PYGO1: variants seen among roughly 807,000 people sequenced by gnomAD.
PYGO1 encodes the protein pygopus family PHD finger 1.
Under a neutral mutation model 29.5 loss-of-function variants are expected in PYGO1, and 6 were observed. The ratio of observed to expected loss-of-function variants is 0.20; its 90% CI spans 0.11 to 0.40. The LOEUF is 0.40. Ranked by LOEUF, PYGO1 falls within the 10% of genes least tolerant of loss-of-function variation. The pLI is 1.00. For synonymous variants in PYGO1, 186 were observed against 180.5 expected, an observed-to-expected ratio of 1.03 and a Z score of -0.24; for missense variants, 515 against 514.9, an observed-to-expected ratio of 1.00 and a Z score of 0.00.
At position 55,546,124 on chromosome 15, in the gene PYGO1, A is replaced by G; in HGVS notation, c.1159T>C (p.Ser387Pro). Residue 387 changes from serine to proline, a missense_variant, in exon 3 of 3, where the codon TCT (serine) becomes CCT (proline). Transcript: ENST00000563719. ...CAGGTATCACAGCCCCATACTGCAGATGCTTCTGCAGTTAAGAGGCCATAA... is the reference window on the plus strand; with the variant it reads ...CAGGTATCACAGCCCCATACTGCAGGTGCTTCTGCAGTTAAGAGGCCATAA... ...TAYGLLTAEA[S>P]AVWGCDTCMA... 6.2e-7 allele frequency: 1 copy of G among 1,614,162 alleles called. No homozygotes were observed. The highest frequency in any genetic ancestry group is 8.5e-7 in the Non-Finnish European group (1 of 1,180,010).
chr15:55,543,759 T>C lies in PYGO1; in HGVS notation c.*2264A>G, dbSNP rs2058837666. The C allele has an allele frequency of 6.6e-6, 1 of 152,190 alleles. No individual in the cohort carries two copies. The highest frequency in any genetic ancestry group is 1.5e-5 in the Non-Finnish European group (1 of 68,034). 9.4% of individuals were successfully genotyped at this position (152,190 alleles called of 1,614,324 possible). ...ACACTGGAAAGTTCTACTCAAAATA[T>C]CTATCATCTAGCTCTATTCAGGGTA... On this transcript the variant is annotated 3_prime_UTR_variant, in exon 3 of 3. Coordinates refer to ENST00000563719, the MANE Select transcript of PYGO1 (RefSeq NM_001367806.1).
At chr15:55,553,920 C>T (rs2058891583) in intron 1 of PYGO1, among the ~76,000 whole-genome samples, 1 of 152,124 alleles carries the variant, frequency 6.6e-6, no homozygotes, top group Admixed American at 6.6e-5. Flanking sequence ...CCCCAGCAAA[C>T]TGCAGCAGCC....
At chr15:55,573,608 C>T (rs921789566) in intron 1 of PYGO1, among the ~76,000 whole-genome samples, 1 of 152,152 alleles carries the variant, frequency 6.6e-6, no homozygotes, top group African/African-American at 2.4e-5. Context: ...ACAATGGGTG[C>T]ATATAGTTGA....
Position 55,543,501 on chromosome 15 carries a change from C to T in PYGO1, c.*2522G>A, listed in dbSNP as rs1028093773. ...GTAAGGTGCTTTGAAGACCTAAACA[C>T]CTGAATAAAAATTCACCTGTTTGTA... is the stretch of plus-strand genomic sequence containing the variant. On this transcript the variant is annotated 3_prime_UTR_variant, in exon 3 of 3. Coordinates refer to ENST00000563719, the MANE Select transcript of PYGO1 (RefSeq NM_001367806.1). 6 of 152,034 alleles carry T rather than the reference C, an allele frequency of 3.9e-5. No homozygotes were observed. The highest frequency in any genetic ancestry group is 1.2e-4 in the African/African-American group (5 of 41,414). 9.4% of individuals were successfully genotyped at this position (152,034 alleles called of 1,614,324 possible). A position where few individuals can be genotyped will look rare whatever the true frequency, so the allele number is the denominator to read the frequency against.
At chr15:55,559,696 G>C in intron 1 of PYGO1, among the ~76,000 whole-genome samples, 1 of 152,202 alleles carries the variant, frequency 6.6e-6, no homozygotes, top group East Asian at 1.9e-4. Flanking sequence ...TATGAGGCTA[G>C]CATCATCCTG....
At chr15:55,583,737 C>T (rs776738818) in intron 1 of PYGO1, among the ~76,000 whole-genome samples, 22 of 152,054 alleles carry the variant, frequency 1.4e-4, no homozygotes, top group South Asian at 4.2e-4. Flanking sequence ...CAAACTCCTG[C>T]GCTGAAGTGA....
chr15:55,574,409 C>T (rs1310948603), intron 1 of PYGO1, among the ~76,000 whole-genome samples: 1 of 152,108 alleles, frequency 6.6e-6, no homozygotes, highest in Non-Finnish European at 1.5e-5. Flanking sequence ...TCTGCAAATG[C>T]TTGTGTAAGT....
intron 1 of PYGO1, among the ~76,000 whole-genome samples, chr15:55,574,789 A>C (rs1030482850): frequency 2.0e-5 from 3 of 152,200 alleles, no homozygotes; most frequent in Non-Finnish European, 4.4e-5. Context: ...CACAGGCAAT[A>C]AATGTTTGTT....
At chr15:55,558,036 T>C (rs1178873506) in intron 1 of PYGO1, among the ~76,000 whole-genome samples, 3 of 152,138 alleles carry the variant, frequency 2.0e-5, no homozygotes, top group Admixed American at 1.3e-4. Context: ...GGTATTCAAT[T>C]AGGAAAAGAG....
At chr15:55,587,016 T>C (rs2059049682) in intron 1 of PYGO1, among the ~76,000 whole-genome samples, 1 of 152,250 alleles carries the variant, frequency 6.6e-6, no homozygotes, top group South Asian at 2.1e-4. Flanking sequence ...ACATAGTAGA[T>C]GTTCAATAAA....
chr15:55,545,823 C>T lies in PYGO1; in HGVS notation c.*200G>A. 1 of 464,626 alleles carries T rather than the reference C, an allele frequency of 2.2e-6. No homozygotes were observed. The highest frequency in any genetic ancestry group is 3.7e-6 in the Non-Finnish European group (1 of 272,742). The allele number at this position is 464,626 out of a possible 1,614,324, so 28.8% of individuals were successfully genotyped here. ...ACATTTATTTATGTTTCTAAAGCAC[C>T]CCCATATACATTATTCTCATTTAAG... On this transcript the variant is annotated 3_prime_UTR_variant, in exon 3 of 3. Transcript: ENST00000563719.
intron 1 of PYGO1, among the ~76,000 whole-genome samples, chr15:55,550,464 A>T (rs510501): frequency 3.3e-5 from 5 of 152,086 alleles, no homozygotes; most frequent in Non-Finnish European, 7.3e-5. Flanking sequence ...GTAGTCCATC[A>T]CACTCCCCAA....
In PYGO1 at chr15:55,588,018, G is replaced by A. The variant is rs1429387885; in HGVS notation, c.-135C>T. The stretch of plus-strand genomic sequence containing the variant: ...TCGGAGCCGAGGCACGGCCGAGGGC[G>A]GTGGGGACGCGGGCCGACTTTGCAA... On this transcript the variant is annotated 5_prime_UTR_variant, in exon 1 of 3. Coordinates refer to ENST00000563719, the MANE Select transcript of PYGO1 (RefSeq NM_001367806.1). The A allele has an allele frequency of 3.1e-6, 4 of 1,288,796 alleles. No homozygotes were observed. In the South Asian group the frequency reaches 6.3e-5, roughly 20 times the overall value. The allele number at this position is 1,288,796 out of a possible 1,614,324, so 79.8% of individuals were successfully genotyped here. A position where few individuals can be genotyped will look rare whatever the true frequency, so the allele number is the denominator to read the frequency against.
chr15:55,584,219 G>T (rs995141867), intron 1 of PYGO1, among the ~76,000 whole-genome samples: 1 of 151,442 alleles, frequency 6.6e-6, no homozygotes, highest in African/African-American at 2.4e-5. Context: ...CTGGGCTCAG[G>T]TGATTCTCCC....
At chr15:55,569,686 A>G (rs2058972638) in intron 1 of PYGO1, among the ~76,000 whole-genome samples, 1 of 152,114 alleles carries the variant, frequency 6.6e-6, no homozygotes, top group African/African-American at 2.4e-5. Flanking sequence ...ATTTTTTTGA[A>G]TTTATTGAGA....
rs117222049 is a variant in PYGO1 at position 55,547,398 on chromosome 15, T to C, written c.136-251A>G. Among the ~76,000 whole-genome samples the C allele has an allele frequency of 8.5e-5, 13 of 152,346 alleles. No individual in the cohort carries two copies. The highest frequency in any genetic ancestry group is 1.9e-4 in the East Asian group (1 of 5,190). ...GTATGATTTTCTGAGCTCAAATCCA[T>C]TGTAACTTCAAAAACCAAAAGTAGT... On this transcript the variant is annotated intron_variant, in intron 2 of 2. Transcript: ENST00000563719.
chr15:55,570,699 C>T lies in PYGO1; in HGVS notation c.49+17136G>A, dbSNP rs184180225. 2.1e-3 allele frequency among the ~76,000 whole-genome samples: 314 copies of T among 152,098 alleles called. 1 individual carries two copies. Among genetic ancestry groups the T allele is most frequent in the African/African-American group, 6.7e-3 (280 of 41,510 alleles). ...CCTGTACCCAGTTTCCTCTATAATG[C>T]TATCCAGAATTTTAAAAAATAATTT... On this transcript the variant is annotated intron_variant, in intron 1 of 2. Transcript: ENST00000563719.
rs1306469295 is a variant in PYGO1, at chr15:55,539,498, C to A, written c.*6525G>T. On this transcript the variant is annotated 3_prime_UTR_variant, in exon 3 of 3. Transcript: ENST00000563719. Reference sequence around the variant, plus strand: ...TTCATACTTTATTTAAATTTTTCCACAAAGCAGTTCATGAATTAATAATAC... The same window carrying A: ...TTCATACTTTATTTAAATTTTTCCAAAAAGCAGTTCATGAATTAATAATAC... 2 of 151,596 alleles carry A rather than the reference C, an allele frequency of 1.3e-5. No individual in the cohort carries two copies. Among genetic ancestry groups the A allele is most frequent in the African/African-American group, 4.8e-5 (2 of 41,310 alleles). 9.4% of individuals were successfully genotyped at this position (151,596 alleles called of 1,614,324 possible). A position where few individuals can be genotyped will look rare whatever the true frequency, so the allele number is the denominator to read the frequency against.
chr15:55,548,329 G>A (rs1030201130), intron 2 of PYGO1, among the ~76,000 whole-genome samples: 26 of 151,884 alleles, frequency 1.7e-4, no homozygotes, highest in African/African-American at 5.6e-4. Context: ...CTAAGAACAA[G>A]CATTTTAATT....
Sources: allele counts gnomAD v4.1 joint callset (sites outside exome capture counted in the v4.1 genomes callset), GRCh38; gene constraint gnomAD v4.1.1; transcripts MANE v1.5; gene names NCBI Gene and HGNC (gene_info 2026-07-23, HGNC 2026-07-21).